The following SYT3 variants were observed in gnomAD, a reference collection of about 807,000 sequenced individuals.
SYT3 encodes synaptotagmin-3.
In SYT3, 25 loss-of-function variants were observed where a neutral mutation model predicts 50.6. The ratio of observed to expected loss-of-function variants is 0.49; its 90% CI spans 0.36 to 0.69. The LOEUF is 0.69. Among genes scored for constraint, SYT3 ranks in the 30% least tolerant of loss-of-function variants. The pLI, the probability that SYT3 is intolerant of heterozygous loss-of-function variation, is 0.00. For synonymous variants in SYT3, 323 were observed against 353.9 expected, an observed-to-expected ratio of 0.91 and a Z score of 0.98; for missense variants, 589 against 793.6, an observed-to-expected ratio of 0.74 and a Z score of 3.10.
Position 50,629,474 on chromosome 19 carries a change from C to T in SYT3, c.1101G>A (p.Thr367=), listed in dbSNP as rs766325612. The T allele has an allele frequency of 5.6e-6, 9 of 1,613,904 alleles. No homozygotes were observed. Among genetic ancestry groups the T allele is most frequent in the South Asian group, 5.5e-5 (5 of 91,076 alleles). The part of the protein sequence containing the change: ...RKTLNPVFNE[T]FQFSVPLAEL... Reference sequence around the variant, plus strand: ...CGGCCAGGGGCACCGAGAATTGAAACGTCTCATTGAAGACGGGGTTCAGGG... The same window carrying T: ...CGGCCAGGGGCACCGAGAATTGAAATGTCTCATTGAAGACGGGGTTCAGGG... Residue 367 remains threonine (T), a synonymous_variant, in exon 6 of 11, where the codon ACG becomes ACA. Coordinates refer to ENST00000600079, the MANE Select transcript of SYT3 (RefSeq NM_001160329.2).
chr19:50,631,416 G>A (rs749061926), intron 4 of SYT3, among the ~76,000 whole-genome samples: 35 of 151,886 alleles, frequency 2.3e-4, no homozygotes, highest in Non-Finnish European at 4.0e-4. Context: ...TGCCCACTTC[G>A]GCCTCCCAAA....
chr19:50,636,985 C>T (rs1255788785), intron 3 of SYT3, among the ~76,000 whole-genome samples: 1 of 152,156 alleles, frequency 6.6e-6, no homozygotes, highest in Non-Finnish European at 1.5e-5. Context: ...CAGTCTGACT[C>T]AAGAGCCTGA....
In SYT3 at chr19:50,625,767, C is replaced by A; in HGVS notation, c.1402+130G>T. 1.3e-6 allele frequency: 1 copy of A among 776,432 alleles called. No homozygotes were observed. Among genetic ancestry groups the A allele is most frequent in the Non-Finnish European group, 2.0e-6 (1 of 496,390 alleles). 48.1% of individuals were successfully genotyped at this position (776,432 alleles called of 1,614,324 possible). On this transcript the variant is annotated intron_variant, in intron 7 of 10. Coordinates refer to ENST00000600079, the MANE Select transcript of SYT3 (RefSeq NM_001160329.2). The surrounding 1 kb of genome is among the most constrained non-coding windows in gnomAD (Gnocchi z 7.5). The stretch of plus-strand genomic sequence containing the variant: ...AGTCCAGGCCCCTGGCCCCTCCTCC[C>A]TCAGACCCAGGAGTCCAGATCCCCA...
chr19:50,642,707 G>A (rs1001871124), upstream of SYT3, among the ~76,000 whole-genome samples: 1 of 151,902 alleles, frequency 6.6e-6, no homozygotes, highest in African/African-American at 2.4e-5. Flanking sequence ...GGTGGCACAT[G>A]CCTGTAATCT....
At chr19:50,656,099 C>T in the SYT3 span, 3 of 1,536,138 alleles carry the variant, frequency 2.0e-6, no homozygotes, top group Admixed American at 5.9e-5. Context: ...AGGCTCGGAG[C>T]CTGGGCAGGC....
At chr19:50,650,593 C>T in the SYT3 span, among the ~76,000 whole-genome samples, 13 of 152,144 alleles carry the variant, frequency 8.5e-5, no homozygotes, top group African/African-American at 1.4e-4. Context: ...ATCGCTTGAA[C>T]CCAGGAGGCA....
At chr19:50,641,621 G>C (rs749338332), upstream of SYT3, among the ~76,000 whole-genome samples, 3 of 151,678 alleles carry the variant, frequency 2.0e-5, no homozygotes, top group African/African-American at 7.3e-5. Context: ...CCAAGTGGGC[G>C]GATCACTTGA....
chr19:50,653,583 TGA>T, the SYT3 span, among the ~76,000 whole-genome samples: 30 of 151,930 alleles, frequency 2.0e-4, 1 homozygote, highest in Admixed American at 3.9e-4. Context: ...CGTGTGTGTG[TGA>T]GAGTGTGCAG....
At chr19:50,652,672 C>T in the SYT3 span, among the ~76,000 whole-genome samples, 1 of 152,098 alleles carries the variant, frequency 6.6e-6, no homozygotes, top group Non-Finnish European at 1.5e-5. Flanking sequence ...CACGTGTGGT[C>T]TTATGGTCAC....
chr19:50,636,812 G>A (rs1172800466), intron 3 of SYT3, among the ~76,000 whole-genome samples: 3 of 152,172 alleles, frequency 2.0e-5, no homozygotes, highest in Non-Finnish European at 4.4e-5. Context: ...TAAGTTCTTC[G>A]TAGGTGTTAT....
chr19:50,636,930 A>T (rs1984514178), intron 3 of SYT3, among the ~76,000 whole-genome samples: 1 of 152,198 alleles, frequency 6.6e-6, no homozygotes, highest in Non-Finnish European at 1.5e-5. Context: ...ACAGCCATGC[A>T]GTTATTAATA....
At position 50,632,752 on chromosome 19, in the gene SYT3, C is replaced by T; in HGVS notation, c.208G>A (p.Val70Ile). 1 of 1,551,244 alleles carries T rather than the reference C, an allele frequency of 6.4e-7. No homozygotes were observed. The highest frequency in any genetic ancestry group is 8.7e-7 in the Non-Finnish European group (1 of 1,152,958). ...VTFCGIVLLG[V>I]SLFVSWKLCW... ...AACTTCCAGGACACGAAGAGAGAGACACCCAGAAGGACAATGCCACAGAAT... is the reference window on the plus strand; with the variant it reads ...AACTTCCAGGACACGAAGAGAGAGATACCCAGAAGGACAATGCCACAGAAT... The change falls in exon 4 of 11, where the codon GTC becomes ATC. Residue 70 changes from valine to isoleucine, a missense_variant. Val to Ile is a conservative substitution (Grantham distance 29). Around this residue, in one of 2 missense-constraint regions of SYT3, gnomAD observed 316 missense variants for 354.3 expected, o/e 0.89. Transcript: ENST00000600079. This position sits in a 1 kb window ranked among gnomAD's most constrained non-coding sequence, Gnocchi z 4.7.
chr19:50,654,592 A>G, the SYT3 span, among the ~76,000 whole-genome samples: 2 of 150,032 alleles, frequency 1.3e-5, no homozygotes, highest in Non-Finnish European at 3.0e-5. Context: ...CCACTGCACC[A>G]GGCTCCGTCC....
intron 3 of SYT3, among the ~76,000 whole-genome samples, chr19:50,635,157 C>T (rs1273874298): frequency 6.6e-6 from 1 of 152,108 alleles, no homozygotes; most frequent in Non-Finnish European, 1.5e-5. Flanking sequence ...ATCCGCCCAC[C>T]TCAGCCTCCC....
At chr19:50,627,803 T>A (rs532698477) in intron 6 of SYT3, among the ~76,000 whole-genome samples, 3 of 149,450 alleles carry the variant, frequency 2.0e-5, no homozygotes, top group Non-Finnish European at 4.4e-5. Flanking sequence ...CAAGTGATGA[T>A]GATGGAGAGA....
In SYT3 at chr19:50,622,578, A is replaced by G. The variant is rs1983889897; in HGVS notation, c.*4-97T>C. 13 of 797,812 alleles carry G rather than the reference A, an allele frequency of 1.6e-5. No homozygotes were observed. The Middle Eastern group carries it at 1.0e-3, about 63-fold the overall frequency. The allele number at this position is 797,812 out of a possible 1,614,324, so 49.4% of individuals were successfully genotyped here. A position where few individuals can be genotyped will look rare whatever the true frequency, so the allele number is the denominator to read the frequency against. The stretch of plus-strand genomic sequence containing the variant: ...CACCACCCAGAGATCCAGGAGTCCC[A>G]GGCGCAGCCCCTCCTCCCTCAGACC... On this transcript the variant is annotated intron_variant, in intron 10 of 10. Coordinates refer to ENST00000600079, the MANE Select transcript of SYT3 (RefSeq NM_001160329.2).
intron 6 of SYT3, among the ~76,000 whole-genome samples, chr19:50,627,354 C>T (rs904299983): frequency 9.9e-5 from 15 of 152,206 alleles, no homozygotes; most frequent in African/African-American, 3.6e-4. Flanking sequence ...CAAGGCCCGA[C>T]CATCTAGACC....
intron 6 of SYT3, among the ~76,000 whole-genome samples, chr19:50,628,801 G>A (rs1411859531): frequency 1.3e-5 from 2 of 151,362 alleles, no homozygotes; most frequent in African/African-American, 2.4e-5. Flanking sequence ...GAGAGGAATG[G>A]TGTCCACTGT....
At chr19:50,653,319 G>A in the SYT3 span, among the ~76,000 whole-genome samples, 3 of 152,240 alleles carry the variant, frequency 2.0e-5, no homozygotes, top group South Asian at 4.1e-4. Context: ...GATTACAGGC[G>A]TGAGCTACTG....
Sources: allele counts gnomAD v4.1 joint callset (sites outside exome capture counted in the v4.1 genomes callset), GRCh38; gene constraint gnomAD v4.1.1; regional missense constraint gnomAD v4.1.1; non-coding constraint Gnocchi (gnomAD v3.1); transcripts MANE v1.5; gene names NCBI Gene and HGNC (gene_info 2026-07-23, HGNC 2026-07-21).